The following DSCAM variants were observed in gnomAD, a reference collection of about 807,000 sequenced individuals.
The protein encoded by DSCAM is DS cell adhesion molecule.
A neutral mutation model predicts 217.7 loss-of-function variants in DSCAM; 47 were observed. That is an observed-to-expected ratio of 0.22 (90% CI 0.17 to 0.28). DSCAM has a LOEUF of 0.28. Ranked by LOEUF, DSCAM falls within the 10% of genes least tolerant of loss-of-function variation. The pLI is 1.00. For missense variants in DSCAM, 2,080 were observed against 2,618.3 expected, an observed-to-expected ratio of 0.79 and a Z score of 4.49; for synonymous variants, 1,056 against 1,015.3, an observed-to-expected ratio of 1.04 and a Z score of -0.76.
chr21:40,805,183 C>T (rs1342621007), intron 1 of DSCAM, among the ~76,000 whole-genome samples: 1 of 152,206 alleles, frequency 6.6e-6, no homozygotes, highest in East Asian at 1.9e-4. Flanking sequence ...CAGATGACTG[C>T]CCAGTGACTT....
chr21:40,637,760 T>C (rs1352385674), intron 3 of DSCAM, among the ~76,000 whole-genome samples: 1 of 148,500 alleles, frequency 6.7e-6, no homozygotes, highest in African/African-American at 2.5e-5. Flanking sequence ...GCAACCTTTG[T>C]CTCCCAGGTT....
chr21:40,145,963 TACAC>T (rs1322338470), intron 16 of DSCAM, among the ~76,000 whole-genome samples: 4 of 102,714 alleles, frequency 3.9e-5, no homozygotes, highest in African/African-American at 1.1e-4. Context: ...TATGTATACA[TACAC>T]ACATACATGT....
rs761986906 is a variant in DSCAM, at chr21:40,339,243, C to T, written c.1383G>A (p.Ser461=). Residue 461 remains serine (S), a synonymous_variant, in exon 7 of 33, where the codon TCG becomes TCA. Transcript: ENST00000400454. ...TCAGGTAGCTGACCACGTTCCCCTC[C>T]GACGTGATCATCTGGCTGATGCGGT... ...GSHRISQMIT[S]EGNVVSYLNI... The T allele has an allele frequency of 6.2e-7, 1 of 1,614,152 alleles. No individual in the cohort carries two copies. Among genetic ancestry groups the T allele is most frequent in the Non-Finnish European group, 8.5e-7 (1 of 1,180,026 alleles).
At chr21:40,433,084 C>T (rs1247185147) in intron 3 of DSCAM, among the ~76,000 whole-genome samples, 1 of 152,054 alleles carries the variant, frequency 6.6e-6, no homozygotes, top group East Asian at 1.9e-4. Flanking sequence ...ATGAGCCGGG[C>T]ATGGTAGCTC....
intron 3 of DSCAM, among the ~76,000 whole-genome samples, chr21:40,432,677 G>A (rs531724947): frequency 4.6e-5 from 7 of 152,234 alleles, no homozygotes; most frequent in South Asian, 2.1e-4. Context: ...TTTCATCAAC[G>A]AAGCCAGAAG....
chr21:40,600,213 T>C (rs553763348), intron 3 of DSCAM, among the ~76,000 whole-genome samples: 1 of 152,336 alleles, frequency 6.6e-6, no homozygotes, highest in Admixed American at 6.5e-5. Context: ...TGGGTTGCTA[T>C]AAGAAAATAC....
intron 1 of DSCAM, among the ~76,000 whole-genome samples, chr21:40,754,649 T>A (rs1423334864): frequency 4.6e-5 from 7 of 152,160 alleles, no homozygotes; most frequent in Non-Finnish European, 1.0e-4. Flanking sequence ...CACTTTCACC[T>A]GCCAAAGAGA....
At chr21:40,370,255 TA>T (rs77285211) in intron 3 of DSCAM, among the ~76,000 whole-genome samples, 12,670 of 142,538 alleles carry the variant, frequency 0.089, 798 homozygotes, top group East Asian at 0.25. Context: ...TCTTTTACTT[TA>T]AAAAAAAAAA....
chr21:40,612,431 C>T (rs764123668), intron 3 of DSCAM, among the ~76,000 whole-genome samples: 16 of 152,144 alleles, frequency 1.1e-4, no homozygotes, highest in Non-Finnish European at 2.2e-4. Flanking sequence ...GGATGGGACA[C>T]TTGGCAATGA....
intron 3 of DSCAM, among the ~76,000 whole-genome samples, chr21:40,535,896 A>G (rs1252220010): frequency 6.6e-6 from 1 of 151,460 alleles, no homozygotes; most frequent in Non-Finnish European, 1.5e-5. Context: ...CAAGGTCAAC[A>G]TGGATCATGA....
chr21:40,293,302 C>T (rs1282212980), intron 10 of DSCAM, among the ~76,000 whole-genome samples: 12 of 152,064 alleles, frequency 7.9e-5, no homozygotes, highest in Admixed American at 7.9e-4. Context: ...GGGCAGCCAT[C>T]TCCCTTTGCT....
intron 11 of DSCAM, among the ~76,000 whole-genome samples, chr21:40,270,688 C>A (rs1011289674): frequency 1.3e-5 from 2 of 151,880 alleles, no homozygotes; most frequent in Admixed American, 6.6e-5. Context: ...ACTGAGTGAT[C>A]ATAAAGAGCC....
At chr21:40,329,767 T>C (rs1359037435) in intron 8 of DSCAM, among the ~76,000 whole-genome samples, 3 of 152,130 alleles carry the variant, frequency 2.0e-5, no homozygotes, top group Admixed American at 6.5e-5. Flanking sequence ...GAGAACATTA[T>C]ATTAAGTGAA....
chr21:40,693,335 C>T (rs950533169), intron 2 of DSCAM, among the ~76,000 whole-genome samples: 2 of 151,944 alleles, frequency 1.3e-5, no homozygotes, highest in African/African-American at 2.4e-5. Context: ...ACTTGGGAGG[C>T]TGAGATGAGA....
chr21:40,376,517 T>TATATATCTTATATCGATATCG lies in DSCAM; in HGVS notation c.509-7273_509-7272insCGATATCGATATAAGATATAT, dbSNP rs1569092830. 3.5e-5 allele frequency among the ~76,000 whole-genome samples: 3 copies of TATATATCTTATATCGATATCG among 84,508 alleles called. 1 individual carries two copies. The highest frequency in any genetic ancestry group is 5.2e-5 in the African/African-American group (1 of 19,194). The allele number at this position is 84,508 out of a possible 152,430, so 55.4% of individuals were successfully genotyped here. A position where few individuals can be genotyped will look rare whatever the true frequency, so the allele number is the denominator to read the frequency against. ...TATCTATATATCTTATATCGATATC[T>TATATATCTTATATCGATATCG]ATATATCTTATATAGATATCGATAT... On this transcript the variant is annotated intron_variant, in intron 3 of 32. Transcript: ENST00000400454.
intron 4 of DSCAM, among the ~76,000 whole-genome samples, chr21:40,365,768 G>T (rs1601590131): frequency 6.6e-6 from 1 of 151,988 alleles, no homozygotes. Context: ...TCTGGAATTT[G>T]GTCCTGTAAG....
In DSCAM at chr21:40,760,001, TTATTTATTTA is replaced by T. The variant is rs1321725527; in HGVS notation, c.44-51240_44-51231del. On this transcript the variant is annotated intron_variant, in intron 1 of 32. Transcript: ENST00000400454. ...TTTATTTATTTATTTATTTATTTATTTATTTATTTATGAGACAGAGTCTTGCTCTGCAACC... is the reference window on the plus strand; with the variant it reads ...TTTATTTATTTATTTATTTATTTATTTGAGACAGAGTCTTGCTCTGCAACC... Among the ~76,000 whole-genome samples, 511 of 124,918 alleles carry T rather than the reference TTATTTATTTA, an allele frequency of 4.1e-3. 3 individuals are homozygous for T. Among genetic ancestry groups the T allele is most frequent in the Middle Eastern group, 0.012 (3 of 252 alleles). The allele number at this position is 124,918 out of a possible 152,430, so 82.0% of individuals were successfully genotyped here. A position where few individuals can be genotyped will look rare whatever the true frequency, so the allele number is the denominator to read the frequency against.
intron 16 of DSCAM, among the ~76,000 whole-genome samples, chr21:40,163,811 T>C (rs919629239): frequency 5.9e-5 from 9 of 152,178 alleles, no homozygotes; most frequent in Non-Finnish European, 1.3e-4. Flanking sequence ...TGCCGTTGTA[T>C]AGTCTAGGGC....
chr21:40,529,283 C>G (rs1044208458), intron 3 of DSCAM, among the ~76,000 whole-genome samples: 4 of 152,166 alleles, frequency 2.6e-5, no homozygotes, highest in Non-Finnish European at 5.9e-5. Context: ...GCAGTGATCA[C>G]TGTGCTCTCC....
Sources: gnomAD v4.1 joint callset for allele counts (sites outside exome capture counted in the v4.1 genomes callset) on GRCh38, gnomAD v4.1.1 for gene constraint, MANE v1.5 for transcripts, NCBI Gene and HGNC (gene_info 2026-07-23, HGNC 2026-07-21) for gene names.